Variants in ERBB4 observed in about 807,000 individuals in gnomAD.
ERBB4 encodes the protein erb-b2 receptor tyrosine kinase 4.
Under a neutral mutation model 158.0 loss-of-function variants are expected in ERBB4, and 42 were observed. The ratio of observed to expected loss-of-function variants is 0.27; its 90% CI spans 0.21 to 0.34. The LOEUF (loss-of-function observed/expected upper bound fraction) is 0.34. Among genes scored for constraint, ERBB4 ranks in the 10% least tolerant of loss-of-function variants. The probability of loss-of-function intolerance (pLI) is 1.00; values close to 1 mark genes in which losing one functional copy is unlikely to be tolerated. For missense variants in ERBB4, 1,333 were observed against 1,624.1 expected (o/e 0.82, Z 3.08); for synonymous variants, 583 against 558.7 (o/e 1.04, Z -0.61).
intron 4 of ERBB4, among the ~76,000 whole-genome samples, chr2:211,760,013 G>C (rs995079227): frequency 1.3e-5 from 2 of 152,146 alleles, no homozygotes; most frequent in Admixed American, 1.3e-4. Context: ...TTTGCCTTAT[G>C]AGATATTTTC....
chr2:211,940,345 T>C (rs1468500494), intron 3 of ERBB4, among the ~76,000 whole-genome samples: 1 of 152,140 alleles, frequency 6.6e-6, no homozygotes, highest in African/African-American at 2.4e-5. Context: ...TTCCTCTTTT[T>C]CTAAACACCA....
chr2:212,470,525 T>G (rs1045343268), intron 1 of ERBB4, among the ~76,000 whole-genome samples: 3 of 152,136 alleles, frequency 2.0e-5, no homozygotes, highest in African/African-American at 7.2e-5. Context: ...AACCTTATTC[T>G]TTGAATGGCA....
intron 13 of ERBB4, 82 bp from the exon 14 acceptor site, chr2:211,673,339 T>A: frequency 1.0e-6 from 1 of 960,902 alleles, no homozygotes; most frequent in Non-Finnish European, 1.7e-6. Context: ...CTAAAAGTCC[T>A]ATTGGCAGAG....
At position 211,963,608 on chromosome 2, in the gene ERBB4, CCT is replaced by C. The variant is rs1487881106; in HGVS notation, c.235-15994_235-15993del. 9.2e-5 allele frequency among the ~76,000 whole-genome samples: 14 copies of C among 151,936 alleles called. No individual in the cohort carries two copies. In the East Asian group the frequency reaches 2.7e-3, roughly 29 times the overall value. On this transcript the variant is annotated intron_variant, in intron 2 of 27. Transcript: ENST00000342788. ...ATATCTATTTATAAGGGTAAATAGGCCTCTCTCCCTCTCTTTCCTCTTTTCTC... is the reference window on the plus strand; with the variant it reads ...ATATCTATTTATAAGGGTAAATAGGCCTCTCCCTCTCTTTCCTCTTTTCTC...
intron 3 of ERBB4, among the ~76,000 whole-genome samples, chr2:211,833,485 C>A (rs1027565966): frequency 6.6e-6 from 1 of 151,980 alleles, no homozygotes; most frequent in African/African-American, 2.4e-5. Context: ...ATACTCTAAT[C>A]AAGACCTGGC....
chr2:212,102,680 T>C (rs1216490962), intron 2 of ERBB4, among the ~76,000 whole-genome samples: 1 of 152,146 alleles, frequency 6.6e-6, no homozygotes, highest in Non-Finnish European at 1.5e-5. Flanking sequence ...ACTTGATATA[T>C]CTCACTTTGA....
At chr2:211,877,566 C>CTTT (rs574975903) in intron 3 of ERBB4, among the ~76,000 whole-genome samples, 34 of 147,224 alleles carry the variant, frequency 2.3e-4, no homozygotes, top group Admixed American at 6.1e-4. Context: ...TTTAAAATGT[C>CTTT]TTTTTTTTTT....
At chr2:211,645,089 T>C (rs1029769375) in intron 16 of ERBB4, among the ~76,000 whole-genome samples, 1 of 151,406 alleles carries the variant, frequency 6.6e-6, no homozygotes, top group Non-Finnish European at 1.5e-5. Context: ...TTGGGATCAC[T>C]AAGTAAGTAT....
chr2:211,598,057 T>A (rs1419843922), intron 19 of ERBB4, among the ~76,000 whole-genome samples: 1 of 152,134 alleles, frequency 6.6e-6, no homozygotes, highest in African/African-American at 2.4e-5. Flanking sequence ...CTTGGTGGCC[T>A]CTAAGGCACA....
At chr2:211,637,570 G>A (rs2070406807) in intron 16 of ERBB4, among the ~76,000 whole-genome samples, 1 of 151,646 alleles carries the variant, frequency 6.6e-6, no homozygotes, top group African/African-American at 2.4e-5. Context: ...TAAACCAAAG[G>A]CTTTTTTGAT....
chr2:211,436,349 G>A (rs1177916266), intron 20 of ERBB4, among the ~76,000 whole-genome samples: 1 of 152,170 alleles, frequency 6.6e-6, no homozygotes, highest in Non-Finnish European at 1.5e-5. Flanking sequence ...GGTAGAGTGG[G>A]TAGGAGTGTA....
intron 3 of ERBB4, among the ~76,000 whole-genome samples, chr2:211,931,881 C>T (rs148771544): frequency 0.035 from 5,324 of 152,108 alleles, 128 homozygotes; most frequent in Middle Eastern, 0.089. Flanking sequence ...GAAAAGTGGA[C>T]ACAAGAAGGG....
At chr2:211,721,532 T>A (rs1426566976) in intron 7 of ERBB4, among the ~76,000 whole-genome samples, 1 of 147,326 alleles carries the variant, frequency 6.8e-6, no homozygotes, top group African/African-American at 2.5e-5. Flanking sequence ...TCCTTTTGAA[T>A]CCTCAGGATG....
At chr2:212,327,635 G>A (rs982826358) in intron 1 of ERBB4, among the ~76,000 whole-genome samples, 5 of 151,734 alleles carry the variant, frequency 3.3e-5, no homozygotes, top group Admixed American at 3.3e-4. Context: ...AGTGGGTCTG[G>A]GGAAGAGGAA....
chr2:212,252,471 C>A (rs1034007395), intron 1 of ERBB4, among the ~76,000 whole-genome samples: 2 of 151,980 alleles, frequency 1.3e-5, no homozygotes, highest in Non-Finnish European at 2.9e-5. Flanking sequence ...ATATGAAGGT[C>A]ATTTTGGACT....
At chr2:212,146,159 C>T (rs1401933736) in intron 1 of ERBB4, among the ~76,000 whole-genome samples, 2 of 152,130 alleles carry the variant, frequency 1.3e-5, no homozygotes, top group African/African-American at 4.8e-5. Flanking sequence ...AGCTTTCAGC[C>T]CAATAATTTA....
At chr2:211,574,263 C>G (rs1022516894) in intron 19 of ERBB4, among the ~76,000 whole-genome samples, 5 of 152,164 alleles carry the variant, frequency 3.3e-5, no homozygotes, top group African/African-American at 9.7e-5. Context: ...ATCAGCTATT[C>G]TTTTCCTAGT....
intron 3 of ERBB4, among the ~76,000 whole-genome samples, chr2:211,825,225 A>G (rs1033014272): frequency 6.6e-6 from 1 of 151,906 alleles, no homozygotes; most frequent in Admixed American, 6.6e-5. Flanking sequence ...TAAAACATGT[A>G]GATTTATTAT....
At chr2:211,419,472 A>G (rs2063467225) in intron 25 of ERBB4, among the ~76,000 whole-genome samples, 1 of 151,964 alleles carries the variant, frequency 6.6e-6, no homozygotes, top group Non-Finnish European at 1.5e-5. Flanking sequence ...TCTACTAGCT[A>G]TGATAATGTT....
Sources: allele counts gnomAD v4.1 joint callset (sites outside exome capture counted in the v4.1 genomes callset), GRCh38; gene constraint gnomAD v4.1.1; transcripts MANE v1.5; gene names NCBI Gene and HGNC (gene_info 2026-07-23, HGNC 2026-07-21).